The following TJP1 variants were observed in gnomAD, a reference collection of about 807,000 sequenced individuals.
TJP1 encodes tight junction protein ZO-1.
A neutral mutation model predicts 194.2 loss-of-function variants in TJP1; 43 were observed. The ratio of observed to expected loss-of-function variants is 0.22; its 90% CI spans 0.17 to 0.29. TJP1 has a LOEUF of 0.29. Ranked by LOEUF, TJP1 falls within the 10% of genes least tolerant of loss-of-function variation. The pLI is 1.00. For missense variants in TJP1, 1,971 were observed against 2,185.7 expected, an observed-to-expected ratio of 0.90 and a Z score of 1.96; for synonymous variants, 801 against 779.0, an observed-to-expected ratio of 1.03 and a Z score of -0.47.
At chr15:29,864,802 T>A (rs1465694578) in intron 2 of TJP1, among the ~76,000 whole-genome samples, 1 of 152,174 alleles carries the variant, frequency 6.6e-6, no homozygotes, top group Non-Finnish European at 1.5e-5. Flanking sequence ...ACAGATCCTT[T>A]ATACTTGGCA....
intron 23 of TJP1, among the ~76,000 whole-genome samples, chr15:29,713,971 A>C (rs1264864418): frequency 6.6e-6 from 1 of 152,202 alleles, no homozygotes; most frequent in African/African-American, 2.4e-5. Flanking sequence ...ATCCCTGTGA[A>C]AACAATGACC....
intron 2 of TJP1, among the ~76,000 whole-genome samples, chr15:29,941,226 C>A (rs1322200526): frequency 6.6e-6 from 1 of 151,990 alleles, no homozygotes; most frequent in Non-Finnish European, 1.5e-5. Context: ...CTCCGTGGAC[C>A]ACTCCTCCCT....
intron 2 of TJP1, among the ~76,000 whole-genome samples, chr15:29,797,240 C>G (rs534578716): frequency 5.9e-5 from 9 of 152,266 alleles, no homozygotes; most frequent in African/African-American, 1.9e-4. Flanking sequence ...ACCTCTGCCT[C>G]CTGGGCTCAA....
At chr15:29,939,631 A>G (rs772291881) in intron 2 of TJP1, among the ~76,000 whole-genome samples, 25 of 152,230 alleles carry the variant, frequency 1.6e-4, no homozygotes, top group Non-Finnish European at 2.9e-4. Context: ...TATGGTCAGA[A>G]TGTCTGCATC....
intron 2 of TJP1, among the ~76,000 whole-genome samples, chr15:29,931,411 T>C (rs1307506744): frequency 6.6e-6 from 1 of 152,108 alleles, no homozygotes; most frequent in East Asian, 1.9e-4. Flanking sequence ...CAAATCAAAC[T>C]AGTCACACAA....
At chr15:29,825,273 G>A (rs995162245), upstream of TJP1, among the ~76,000 whole-genome samples, 8 of 152,218 alleles carry the variant, frequency 5.3e-5, no homozygotes, top group East Asian at 9.6e-4. Context: ...GCTTACACAC[G>A]CATGTCATCA....
At chr15:29,772,035 T>G (rs1276010836) in intron 4 of TJP1, 29 bp downstream of exon 4, 1 of 1,430,410 alleles carries the variant, frequency 7.0e-7, no homozygotes, top group Non-Finnish European at 9.7e-7. Flanking sequence ...TGGGGTACCT[T>G]TACTAAATTA....
At chr15:29,824,736 T>C (rs1489884679), upstream of TJP1, among the ~76,000 whole-genome samples, 4 of 152,226 alleles carry the variant, frequency 2.6e-5, no homozygotes, top group Admixed American at 2.0e-4. Flanking sequence ...GTGTCTTTAA[T>C]AGCACCTAAA....
chr15:29,704,074 A>C (rs1401018987), intron 27 of TJP1, 88 bp downstream of exon 27: 1 of 1,391,790 alleles, frequency 7.2e-7, no homozygotes, highest in Non-Finnish European at 9.8e-7. Flanking sequence ...GAGATTTGCT[A>C]ACACACAGCA....
chr15:29,716,638 T>G lies in TJP1; in HGVS notation c.4175A>C (p.Gln1392Pro). Reference sequence around the variant, plus strand: ...TGAAGAATAACTAGAAAAATTTGATTGATTCTGAGAATGCGCTGGCTTTGC... The same window carrying G: ...TGAAGAATAACTAGAAAAATTTGATGGATTCTGAGAATGCGCTGGCTTTGC... ...EPAKPAHSQN[Q>P]SNFSSYSSKG... The change falls in exon 23 of 28, where the codon CAA (glutamine) becomes CCA (proline). Residue 1392 changes from glutamine (Q) to proline (P), a missense_variant. By Grantham distance (76) the Gln-to-Pro change is moderately conservative. This residue lies in a region of TJP1 where 1,108 missense variants were observed against 1,128.5 expected (regional missense o/e 0.98). Coordinates refer to ENST00000614355, the MANE Select transcript of TJP1 (RefSeq NM_001330239.4). The G allele has an allele frequency of 6.2e-7, 1 of 1,613,006 alleles. No homozygotes were observed. The highest frequency in any genetic ancestry group is 8.5e-7 in the Non-Finnish European group (1 of 1,179,198).
At chr15:29,885,106 C>T (rs2053070728) in intron 2 of TJP1, among the ~76,000 whole-genome samples, 1 of 152,200 alleles carries the variant, frequency 6.6e-6, no homozygotes, top group Non-Finnish European at 1.5e-5. Flanking sequence ...CTGCTTTTCC[C>T]TGACTCCCAG....
chr15:29,968,600 C>A, intron 1 of TJP1: 2 of 932,640 alleles, frequency 2.1e-6, no homozygotes, highest in South Asian at 4.8e-5. Context: ...CTCGCTCTCC[C>A]ACTCCGGCCC....
chr15:29,797,582 TAA>T (rs201927768), intron 2 of TJP1, among the ~76,000 whole-genome samples: 98 of 133,194 alleles, frequency 7.4e-4, no homozygotes, highest in East Asian at 8.5e-4. Flanking sequence ...CTGAATACGT[TAA>T]AAAAAAAAAA....
At chr15:29,940,577 G>T (rs1010828356) in intron 2 of TJP1, among the ~76,000 whole-genome samples, 1 of 152,126 alleles carries the variant, frequency 6.6e-6, no homozygotes, top group Non-Finnish European at 1.5e-5. Context: ...TTACGTGTGT[G>T]TGCATACAGA....
At chr15:29,906,704 C>A (rs545881915) in intron 2 of TJP1, among the ~76,000 whole-genome samples, 299 of 151,656 alleles carry the variant, frequency 2.0e-3, no homozygotes, top group Non-Finnish European at 3.2e-3. Context: ...CTCAGCCTCC[C>A]AAGTAGCTGG....
intron 2 of TJP1, among the ~76,000 whole-genome samples, chr15:29,893,514 T>C (rs1030279289): frequency 6.6e-6 from 1 of 152,178 alleles, no homozygotes. Context: ...AATTTCACTG[T>C]TGTCTTCTTT....
chr15:29,894,669 C>A (rs995984364), intron 2 of TJP1, among the ~76,000 whole-genome samples: 3 of 152,194 alleles, frequency 2.0e-5, no homozygotes, highest in African/African-American at 7.2e-5. Flanking sequence ...AATCGCACAC[C>A]AGTGGCTCTA....
intron 8 of TJP1, among the ~76,000 whole-genome samples, chr15:29,750,200 G>C (rs1414259915): frequency 6.6e-6 from 1 of 152,050 alleles, no homozygotes. Flanking sequence ...TAGAGACAGG[G>C]TTTCACCGTG....
rs758751650 is a variant in TJP1, at chr15:29,889,135, CA to C, written c.306+67096del. On this transcript the variant is annotated intron_variant, in intron 2 of 28. Coordinates refer to the TJP1 transcript ENST00000356107. ...GTGCATAACGTTTTAGTGTTAAATACAAAATAATCTTTGACTGATTGTCATT... is the reference window on the plus strand; with the variant it reads ...GTGCATAACGTTTTAGTGTTAAATACAAATAATCTTTGACTGATTGTCATT... Among the ~76,000 whole-genome samples the C allele has an allele frequency of 2.4e-4, 37 of 152,150 alleles. 1 individual carries two copies. Among genetic ancestry groups the C allele is most frequent in the Non-Finnish European group, 4.0e-4 (27 of 68,024 alleles).
Sources: allele counts gnomAD v4.1 joint callset (sites outside exome capture counted in the v4.1 genomes callset), GRCh38; gene constraint gnomAD v4.1.1; regional missense constraint gnomAD v4.1.1; transcripts MANE v1.5; gene names NCBI Gene and HGNC (gene_info 2026-07-23, HGNC 2026-07-21).